Variants in NKAIN4 observed in about 807,000 individuals in gnomAD.
NKAIN4 encodes the protein sodium/potassium transporting ATPase interacting 4, also known as sodium/potassium-transporting ATPase subunit beta-1-interacting protein 4.
In NKAIN4, 28 loss-of-function variants were observed where a neutral mutation model predicts 28.8. The ratio of observed to expected loss-of-function variants is 0.97; its 90% CI spans 0.72 to 1.33. The LOEUF (loss-of-function observed/expected upper bound fraction) is 1.33. NKAIN4 is among the 40% of genes most tolerant of loss of function. The probability of loss-of-function intolerance (pLI) is 0.00; values close to 1 mark genes in which losing one functional copy is unlikely to be tolerated. For missense variants in NKAIN4, 289 were observed against 277.2 expected, an observed-to-expected ratio of 1.04 and a Z score of -0.30; for synonymous variants, 122 against 115.6, an observed-to-expected ratio of 1.06 and a Z score of -0.36.
chr20:63,242,563 C>G lies in NKAIN4; in HGVS notation c.593G>C (p.Ser198Thr). 1 of 1,613,470 alleles carries G rather than the reference C, an allele frequency of 6.2e-7. No homozygotes were observed. The highest frequency in any genetic ancestry group is 8.5e-7 in the Non-Finnish European group (1 of 1,179,518). Residue 198 changes from serine to threonine, a missense_variant, in exon 6 of 7, where the codon AGT becomes ACT. Coordinates refer to ENST00000370316, the MANE Select transcript of NKAIN4 (RefSeq NM_152864.4). The stretch of plus-strand genomic sequence containing the variant: ...CAAGTACACCTGCTTGGACAAGAGA[C>G]TGGATGGCTTTTCATTGACATGGTA... ...PLYHVNEKPS[S>T]LLSKQVYLPA
In NKAIN4 at chr20:63,241,389, G is replaced by C. The variant is rs373275621; in HGVS notation, c.*108C>G. The C allele has an allele frequency of 8.3e-7, 1 of 1,207,978 alleles. No individual in the cohort carries two copies. Among genetic ancestry groups the C allele is most frequent in the African/African-American group, 1.5e-5 (1 of 66,334 alleles). 74.8% of individuals were successfully genotyped at this position (1,207,978 alleles called of 1,614,324 possible). A position where few individuals can be genotyped will look rare whatever the true frequency, so the allele number is the denominator to read the frequency against. ...CCAGGGCAGGTGCTGCCGGCCGCCT[G>C]GGGGGTGCTGGGTGGGGGCGCGTCC... On this transcript the variant is annotated 3_prime_UTR_variant, in exon 7 of 7. Coordinates refer to ENST00000370316, the MANE Select transcript of NKAIN4 (RefSeq NM_152864.4).
At chr20:63,246,591 G>A (rs1209500869) in intron 4 of NKAIN4, 22 of 985,256 alleles carry the variant, frequency 2.2e-5, no homozygotes, top group Admixed American at 6.1e-5. Flanking sequence ...GCCAGCCGCC[G>A]GCCATGGAGC....
chr20:63,241,512 G>C lies in NKAIN4; in HGVS notation c.618-6C>G, dbSNP rs1433412231. On this transcript the variant is annotated splice_polypyrimidine_tract_variant and splice_region_variant and intron_variant, in intron 6 of 6. Coordinates refer to ENST00000370316, the MANE Select transcript of NKAIN4 (RefSeq NM_152864.4). ...GTTTCCTCACTTACGCAGGCCTGTGGGGACAAGGTCAGAGAGCACCTGGGG... is the reference window on the plus strand; with the variant it reads ...GTTTCCTCACTTACGCAGGCCTGTGCGGACAAGGTCAGAGAGCACCTGGGG... The C allele has an allele frequency of 2.0e-5, 31 of 1,550,172 alleles. No individual in the cohort carries two copies. The highest frequency in any genetic ancestry group is 2.7e-5 in the Non-Finnish European group (31 of 1,146,820).
chr20:63,247,309 C>A (rs1946008731), intron 4 of NKAIN4: 6 of 1,409,178 alleles, frequency 4.3e-6, no homozygotes, highest in Non-Finnish European at 5.6e-6. Flanking sequence ...CCTTCCCACT[C>A]CCCACAGCAA....
In NKAIN4 at chr20:63,241,157, A is replaced by T; in HGVS notation, c.*340T>A. ...GCAGCCCCAGGTGGGCACCTGAGGGAGGGGCTCCTCGACGAGACGACAGCC... is the reference window on the plus strand; with the variant it reads ...GCAGCCCCAGGTGGGCACCTGAGGGTGGGGCTCCTCGACGAGACGACAGCC... On this transcript the variant is annotated 3_prime_UTR_variant, in exon 7 of 7. Transcript: ENST00000370316. 1 of 320,200 alleles carries T rather than the reference A, an allele frequency of 3.1e-6. No homozygotes were observed. The highest frequency in any genetic ancestry group is 3.3e-5 in the South Asian group (1 of 30,092). The allele number at this position is 320,200 out of a possible 1,614,324, so 19.8% of individuals were successfully genotyped here.
intron 4 of NKAIN4, among the ~76,000 whole-genome samples, chr20:63,246,069 A>G (rs1568705976): frequency 6.6e-6 from 1 of 152,178 alleles, no homozygotes; most frequent in East Asian, 1.9e-4. Context: ...CTGGGACTAC[A>G]GGCGCCCGCC....
At chr20:63,247,146 C>T in intron 4 of NKAIN4, 1 of 1,085,692 alleles carries the variant, frequency 9.2e-7, no homozygotes, top group Non-Finnish European at 1.1e-6. Context: ...CCAGCCCAGC[C>T]TCAGGCTCTG....
At position 63,247,825 on chromosome 20, in the gene NKAIN4, G is replaced by A. The variant is rs1255081943; in HGVS notation, c.274-50C>T. Reference sequence around the variant, plus strand: ...GCCGGTTAGCACCAGGAGGTGGGCGGCCTCACCCACTGCAGCCTGCGGGGA... The same window carrying A: ...GCCGGTTAGCACCAGGAGGTGGGCGACCTCACCCACTGCAGCCTGCGGGGA... On this transcript the variant is annotated intron_variant, in intron 3 of 6. Coordinates refer to ENST00000370316, the MANE Select transcript of NKAIN4 (RefSeq NM_152864.4). The A allele has an allele frequency of 6.4e-6, 9 of 1,415,508 alleles. No homozygotes were observed. The African/African-American group carries it at 1.3e-4, about 20-fold the overall frequency. 87.7% of individuals were successfully genotyped at this position (1,415,508 alleles called of 1,614,324 possible).
chr20:63,242,797 G>A (rs1882754675), intron 5 of NKAIN4, among the ~76,000 whole-genome samples, 174 bp from the exon 6 acceptor site: 1 of 141,166 alleles, frequency 7.1e-6, no homozygotes, highest in South Asian at 2.6e-4. Flanking sequence ...GGGGGGGGTG[G>A]GACACCCGGG....
rs940944229 is a variant in NKAIN4 at position 63,242,822 on chromosome 20, G to A, written c.533-199C>T. Among the ~76,000 whole-genome samples, 9 of 150,642 alleles carry A rather than the reference G, an allele frequency of 6.0e-5. No homozygotes were observed. The East Asian group carries it at 7.9e-4, about 13-fold the overall frequency. ...GGACACCCGGGTCCTCGGCCTGTGC[G>A]GGGACGGCATCGGGGGACAGTGGGG... On this transcript the variant is annotated intron_variant, in intron 5 of 6. Transcript: ENST00000370316.
chr20:63,251,185 A>C (rs1011332511), intron 1 of NKAIN4, among the ~76,000 whole-genome samples: 88 of 151,378 alleles, frequency 5.8e-4, no homozygotes, highest in South Asian at 3.8e-3. Context: ...AGAGAGAGAC[A>C]GCTTACGCCA....
rs1399098603 is a variant in NKAIN4, at chr20:63,252,076, G to A, written c.55-2004C>T. 6.6e-6 allele frequency among the ~76,000 whole-genome samples: 1 copy of A among 152,158 alleles called. No individual in the cohort carries two copies. The highest frequency in any genetic ancestry group is 1.5e-5 in the Non-Finnish European group (1 of 68,022). On this transcript the variant is annotated intron_variant, in intron 1 of 6. Transcript: ENST00000370316. The surrounding 1 kb of genome is among the most constrained non-coding windows in gnomAD (Gnocchi z 4.6). ...CTGCACATCTCGGCTAAGGGGTCTC[G>A]GCCTGAGGAGCAGCCTCAGGTCTGG...
intron 4 of NKAIN4, among the ~76,000 whole-genome samples, chr20:63,244,873 G>A (rs1568704262): frequency 6.6e-6 from 1 of 152,254 alleles, no homozygotes; most frequent in African/African-American, 2.4e-5. Flanking sequence ...CAGTGGGTCT[G>A]TGACTGGAGG....
At chr20:63,243,668 G>A (rs2066802896) in intron 5 of NKAIN4, among the ~76,000 whole-genome samples, 1 of 152,188 alleles carries the variant, frequency 6.6e-6, no homozygotes. Flanking sequence ...CCTGGCCATG[G>A]GCCCGGTTCC....
At chr20:63,253,180 G>C (rs1322273640) in intron 1 of NKAIN4, 2 of 983,800 alleles carry the variant, frequency 2.0e-6, no homozygotes, top group African/African-American at 3.5e-5. Context: ...CTCCCCACCA[G>C]TCTCCTAAGG....
In NKAIN4 at chr20:63,241,520, G is replaced by A. The variant is rs978767380; in HGVS notation, c.618-14C>T. ...ACTTACGCAGGCCTGTGGGGACAAG[G>A]TCAGAGAGCACCTGGGGGAACAGGG... On this transcript the variant is annotated splice_polypyrimidine_tract_variant and intron_variant, in intron 6 of 6. Transcript: ENST00000370316. 6.5e-7 allele frequency: 1 copy of A among 1,549,852 alleles called. No individual in the cohort carries two copies.
At position 63,249,829 on chromosome 20, in the gene NKAIN4, G is replaced by A. The variant is rs1601293829; in HGVS notation, c.192+106C>T. 5.0e-6 allele frequency: 6 copies of A among 1,204,206 alleles called. No homozygotes were observed. The East Asian group carries it at 1.5e-4, about 29-fold the overall frequency. 74.6% of individuals were successfully genotyped at this position (1,204,206 alleles called of 1,614,324 possible). ...AGGGGTCTGGGTTGGCATTTGTGGG[G>A]TGTTCAGTGGTGTCCAGGAAAATAT... On this transcript the variant is annotated intron_variant, in intron 2 of 6. Coordinates refer to ENST00000370316, the MANE Select transcript of NKAIN4 (RefSeq NM_152864.4).
rs1462543597 is a variant in NKAIN4, at chr20:63,245,482, C to T, written c.472-1398G>A. ...CTGCAGGCCACCTCTGTCCCACACC[C>T]CCATGCTCCCCGCCCTGCACACCAC... On this transcript the variant is annotated intron_variant, in intron 4 of 6. Transcript: ENST00000370316. The surrounding 1 kb of genome is among the most constrained non-coding windows in gnomAD (Gnocchi z 4.7). Among the ~76,000 whole-genome samples, 1 of 152,068 alleles carries T rather than the reference C, an allele frequency of 6.6e-6. No individual in the cohort carries two copies. The highest frequency in any genetic ancestry group is 6.5e-5 in the Admixed American group (1 of 15,282).
intron 2 of NKAIN4, among the ~76,000 whole-genome samples, chr20:63,249,473 T>A (rs2066919299): frequency 6.6e-6 from 1 of 152,240 alleles, no homozygotes; most frequent in African/African-American, 2.4e-5. Context: ...GGTTCTGCAC[T>A]GAATGAAAAT....
Sources: allele counts gnomAD v4.1 joint callset (sites outside exome capture counted in the v4.1 genomes callset), GRCh38; gene constraint gnomAD v4.1.1; non-coding constraint Gnocchi (gnomAD v3.1); transcripts MANE v1.5; gene names NCBI Gene and HGNC (gene_info 2026-07-23, HGNC 2026-07-21).